Variants in MRC1 observed in about 807,000 individuals in gnomAD.
MRC1 encodes macrophage mannose receptor 1.
Under a neutral mutation model 102.9 loss-of-function variants are expected in MRC1, and 62 were observed. That is an observed-to-expected ratio of 0.60 (90% CI 0.49 to 0.74). The LOEUF (loss-of-function observed/expected upper bound fraction) is 0.74, where lower values mean the gene tolerates loss of function less well. Ranked by LOEUF, MRC1 falls within the 30% of genes least tolerant of loss-of-function variation. MRC1 has a pLI of 0.00. For synonymous variants in MRC1, 457 were observed against 298.4 expected, an observed-to-expected ratio of 1.53 and a Z score of -5.48; for missense variants, 1,237 against 862.8, an observed-to-expected ratio of 1.43 and a Z score of -5.43.
chr10:17,873,892 T>C (rs1833389863), intron 16 of MRC1, 67 bp downstream of exon 16: 1 of 856,854 alleles, frequency 1.2e-6, no homozygotes, highest in Non-Finnish European at 2.0e-6. Context: ...CCTTTCTCAA[T>C]GAAAAAATTA....
chr10:17,833,520 C>CAAAAAAAAAA (rs34179956), intron 3 of MRC1, among the ~76,000 whole-genome samples, 155 bp from the exon 4 acceptor site: 1 of 106,572 alleles, frequency 9.4e-6, no homozygotes. Flanking sequence ...GACTCTGTCT[C>CAAAAAAAAAA]AAAAAAAAAA....
intron 1 of MRC1, among the ~76,000 whole-genome samples, chr10:17,820,892 C>T (rs1473038867): frequency 6.6e-6 from 1 of 152,058 alleles, no homozygotes; most frequent in Non-Finnish European, 1.5e-5. Flanking sequence ...TTCCTGTGTT[C>T]CATTGTGAGC....
At position 17,849,737 on chromosome 10, in the gene MRC1, G is replaced by A. The variant is rs369164440; in HGVS notation, c.1222G>A (p.Asp408Asn). The A allele has an allele frequency of 3.8e-6, 3 of 780,778 alleles. No individual in the cohort carries two copies. In the African/African-American group the frequency reaches 5.1e-5, roughly 13 times the overall value. The allele number at this position is 780,778 out of a possible 1,614,324, so 48.4% of individuals were successfully genotyped here. The change falls in exon 7 of 30, where the codon GAC becomes AAC. Residue 408 changes from aspartate (D) to asparagine (N), a missense_variant. Asp to Asn is a conservative substitution (Grantham distance 23). Transcript: ENST00000569591. ...LTSIHTIEEL[D>N]FIISQLGYEP... The stretch of plus-strand genomic sequence containing the variant: ...AAGTATCCACACCATCGAGGAATTG[G>A]ACTTTATTATCTCCCAGCTAGGATA...
At chr10:17,846,944 G>C (rs1281119264) in intron 6 of MRC1, among the ~76,000 whole-genome samples, 1 of 152,244 alleles carries the variant, frequency 6.6e-6, no homozygotes, top group East Asian at 1.9e-4. Context: ...ATCATTCCTG[G>C]AAGTGGAATT....
rs1554841530 is a variant in MRC1, at chr10:17,866,752, G to C, written c.1974G>C (p.Leu658Phe). 2.6e-6 allele frequency: 2 copies of C among 780,808 alleles called. No individual in the cohort carries two copies. Among genetic ancestry groups the C allele is most frequent in the East Asian group, 2.4e-5 (1 of 41,240 alleles). 48.4% of individuals were successfully genotyped at this position (780,808 alleles called of 1,614,324 possible). A position where few individuals can be genotyped will look rare whatever the true frequency, so the allele number is the denominator to read the frequency against. ...GGGGCGCCAGCAGTAGAACAAGCTT[G>C]TGTTTCAAGGTGAGTATCAGTTATA... Reference protein sequence around the residue: ...EDWGASSRTSLCFKLYAKGKH... With the variant: ...EDWGASSRTSFCFKLYAKGKH... Residue 658 changes from leucine (L) to phenylalanine (F), a missense_variant, in exon 12 of 30, where the codon TTG becomes TTC. Leu to Phe is a conservative substitution (Grantham distance 22). Coordinates refer to ENST00000569591, the MANE Select transcript of MRC1 (RefSeq NM_002438.4).
chr10:17,871,018 T>C, intron 14 of MRC1, 83 bp downstream of exon 14: 1 of 806,544 alleles, frequency 1.2e-6, no homozygotes, highest in South Asian at 1.4e-5. Flanking sequence ...ATGCAAACTT[T>C]TAATAAGACA....
intron 7 of MRC1, among the ~76,000 whole-genome samples, chr10:17,850,117 G>C (rs1045109360): frequency 3.9e-5 from 6 of 152,066 alleles, no homozygotes; most frequent in Non-Finnish European, 7.4e-5. Context: ...CTGTGTGTGT[G>C]TGTGTATCTT....
chr10:17,832,714 A>G, intron 3 of MRC1, among the ~76,000 whole-genome samples: 1 of 150,622 alleles, frequency 6.6e-6, no homozygotes, highest in Non-Finnish European at 1.5e-5. Flanking sequence ...CAGCCTCCCG[A>G]GTAGCTGGGA....
intron 1 of MRC1, among the ~76,000 whole-genome samples, chr10:17,815,791 G>T (rs1013438238): frequency 3.3e-5 from 5 of 149,938 alleles, no homozygotes; most frequent in Non-Finnish European, 7.4e-5. Flanking sequence ...GTAATTCTCT[G>T]TTTTTTTTTC....
intron 22 of MRC1, among the ~76,000 whole-genome samples, chr10:17,889,454 C>CGGG (rs1196122471): frequency 6.6e-6 from 1 of 151,916 alleles, no homozygotes; most frequent in Non-Finnish European, 1.5e-5. Context: ...CAAATAAAGG[C>CGGG]GGGGTCTTTC....
chr10:17,831,034 G>A (rs1001425664), intron 3 of MRC1, among the ~76,000 whole-genome samples: 2 of 148,016 alleles, frequency 1.4e-5, no homozygotes, highest in African/African-American at 2.6e-5. Context: ...GATTACAGGC[G>A]CGTGCCACCA....
At chr10:17,859,759 T>A (rs948192796) in intron 9 of MRC1, among the ~76,000 whole-genome samples, 2 of 152,236 alleles carry the variant, frequency 1.3e-5, no homozygotes, top group African/African-American at 4.8e-5. Context: ...CTTTAGAGAT[T>A]CTCCTTTTAC....
chr10:17,868,360 CAG>C (rs1833308012), intron 12 of MRC1, among the ~76,000 whole-genome samples: 1 of 151,562 alleles, frequency 6.6e-6, no homozygotes, highest in South Asian at 2.1e-4. Flanking sequence ...GGTGGCAGGA[CAG>C]AGAAGAGCAT....
chr10:17,830,288 C>T lies in MRC1; in HGVS notation c.637+2573C>T, dbSNP rs952303120. ...CTGGGATTACAGGCACCCACCATCA[C>T]GCCTGGCTAGTTTTTGTATTTTGAG... On this transcript the variant is annotated intron_variant, in intron 3 of 29. Transcript: ENST00000569591. 7.5e-4 allele frequency among the ~76,000 whole-genome samples: 114 copies of T among 151,140 alleles called. 7 individuals carry two copies. Among genetic ancestry groups the T allele is most frequent in the Middle Eastern group, 3.4e-3 (1 of 294 alleles).
intron 4 of MRC1, among the ~76,000 whole-genome samples, chr10:17,835,802 A>C (rs1264863142): frequency 6.6e-6 from 1 of 152,220 alleles, no homozygotes; most frequent in Non-Finnish European, 1.5e-5. Context: ...GAATTCTGTT[A>C]AAGTGATGAT....
intron 17 of MRC1, among the ~76,000 whole-genome samples, chr10:17,877,126 T>C (rs1833447614): frequency 1.3e-5 from 2 of 149,320 alleles, no homozygotes; most frequent in African/African-American, 4.9e-5. Context: ...AGTGAAATGG[T>C]ACATTATAAT....
chr10:17,879,676 T>C (rs1306945782), intron 18 of MRC1, 45 bp from the exon 19 acceptor site: 6 of 780,712 alleles, frequency 7.7e-6, no homozygotes, highest in African/African-American at 5.1e-5. Flanking sequence ...ATCCAATTAG[T>C]CTAATGATTG....
At chr10:17,907,228 A>G (rs1002413592) in intron 27 of MRC1, among the ~76,000 whole-genome samples, 9 of 152,210 alleles carry the variant, frequency 5.9e-5, no homozygotes, top group Admixed American at 1.3e-4. Flanking sequence ...TAGTTTGAGG[A>G]GCTTTAAAAA....
At chr10:17,882,595 A>G (rs1833535313) in intron 21 of MRC1, among the ~76,000 whole-genome samples, 1 of 152,176 alleles carries the variant, frequency 6.6e-6, no homozygotes, top group African/African-American at 2.4e-5. Flanking sequence ...GAAATAAGAA[A>G]GGCACTAGAA....
Sources: gnomAD v4.1 joint callset for allele counts (sites outside exome capture counted in the v4.1 genomes callset) on GRCh38, gnomAD v4.1.1 for gene constraint, MANE v1.5 for transcripts, NCBI Gene and HGNC (gene_info 2026-07-23, HGNC 2026-07-21) for gene names.